Variants in RAB3C observed in about 807,000 individuals in gnomAD.
RAB3C encodes the protein ras-related protein Rab-3C.
RAB3C carries 17 observed loss-of-function variants against 26.4 expected under a neutral mutation model. The ratio of observed to expected loss-of-function variants is 0.64; its 90% confidence interval spans 0.44 to 0.97. The LOEUF (loss-of-function observed/expected upper bound fraction) is 0.97, where lower values mean the gene tolerates loss of function less well. RAB3C is among the 50% of genes least tolerant of loss of function. The probability of loss-of-function intolerance (pLI) is 0.00; values close to 1 mark genes in which losing one functional copy is unlikely to be tolerated. For missense variants in RAB3C, 242 were observed against 281.9 expected (o/e 0.86, Z 1.01); for synonymous variants, 91 against 95.9 (o/e 0.95, Z 0.30).
intron 3 of RAB3C, chr5:58,794,572 C>T (rs375821862): frequency 9.2e-5 from 14 of 151,964 alleles, no homozygotes; most frequent in African/African-American, 2.9e-4. Context: ...AAATGCCAGT[C>T]GGTGTGAATA....
In RAB3C at chr5:58,834,610, C is replaced by T. The variant is rs1743693678; in HGVS notation, c.496+9448C>T. Among the ~76,000 whole-genome samples, 4 of 152,316 alleles carry T rather than the reference C, an allele frequency of 2.6e-5. No homozygotes were observed. The South Asian group carries it at 8.3e-4, about 32-fold the overall frequency. On this transcript the variant is annotated intron_variant, in intron 4 of 4. Transcript: ENST00000282878. ...CCAACCTCTGGGTTCAGCAGGGAAT[C>T]CCAGTGATGCTACTAAAATGTTCTA...
chr5:58,642,406 C>A (rs777713092), intron 2 of RAB3C, among the ~76,000 whole-genome samples: 6 of 152,192 alleles, frequency 3.9e-5, no homozygotes, highest in Non-Finnish European at 8.8e-5. Flanking sequence ...ATAACTATTT[C>A]TGTCGACTAC....
At chr5:58,621,261 G>T (rs1746931984) in intron 2 of RAB3C, among the ~76,000 whole-genome samples, 2 of 152,122 alleles carry the variant, frequency 1.3e-5, no homozygotes, top group Admixed American at 1.3e-4. Flanking sequence ...ACCAAGACAG[G>T]TTTCAGACAT....
chr5:58,659,960 T>C lies in RAB3C; in HGVS notation c.252+42090T>C, dbSNP rs1214716652. Among the ~76,000 whole-genome samples, 4 of 152,100 alleles carry C rather than the reference T, an allele frequency of 2.6e-5. No homozygotes were observed. In the East Asian group the frequency reaches 7.7e-4, roughly 29 times the overall value. On this transcript the variant is annotated intron_variant, in intron 2 of 4. Coordinates refer to ENST00000282878, the MANE Select transcript of RAB3C (RefSeq NM_138453.4). ...ATGGGACTACAGGCACATGCCACCA[T>C]GCCTGGCTAATTTTTGTGTTTTTTG...
chr5:58,749,142 ATG>A (rs10544340), intron 3 of RAB3C, among the ~76,000 whole-genome samples: 27,391 of 152,224 alleles, frequency 0.18, 2,592 homozygotes, highest in East Asian at 0.3. Context: ...AATATATTTT[ATG>A]AGTAGAATTG....
intron 3 of RAB3C, among the ~76,000 whole-genome samples, chr5:58,733,626 G>A (rs1447794827): frequency 6.6e-6 from 1 of 152,136 alleles, no homozygotes; most frequent in Non-Finnish European, 1.5e-5. Flanking sequence ...TTTGATTTAA[G>A]AAATAAATTA....
chr5:58,696,888 A>AT (rs1748711887), intron 2 of RAB3C, among the ~76,000 whole-genome samples: 2 of 151,960 alleles, frequency 1.3e-5, no homozygotes, highest in South Asian at 2.1e-4. Flanking sequence ...GGATTCATTG[A>AT]TTTTTTGAAG....
At chr5:58,721,448 C>T (rs1457343823) in intron 2 of RAB3C, among the ~76,000 whole-genome samples, 1 of 151,662 alleles carries the variant, frequency 6.6e-6, no homozygotes, top group Non-Finnish European at 1.5e-5. Flanking sequence ...AACACAAAGC[C>T]AGGATTTTGA....
At chr5:58,810,364 GCT>G (rs143427018) in intron 3 of RAB3C, among the ~76,000 whole-genome samples, 6,290 of 103,400 alleles carry the variant, frequency 0.061, 384 homozygotes, top group African/African-American at 0.16. Context: ...TACTCTGTGT[GCT>G]CTCTCTCTCT....
intron 1 of RAB3C, among the ~76,000 whole-genome samples, chr5:58,616,539 A>G (rs1308045361): frequency 6.6e-6 from 1 of 152,220 alleles, no homozygotes. Flanking sequence ...ATGATCATCA[A>G]AAAAGATGAA....
chr5:58,682,751 A>G (rs1461050449), intron 2 of RAB3C, among the ~76,000 whole-genome samples: 8 of 152,098 alleles, frequency 5.3e-5, no homozygotes, highest in East Asian at 3.9e-4. Context: ...TGTATGGTAT[A>G]TAACTATTAT....
chr5:58,643,881 G>A (rs1482949174), intron 2 of RAB3C, among the ~76,000 whole-genome samples: 1 of 152,156 alleles, frequency 6.6e-6, no homozygotes, highest in Non-Finnish European at 1.5e-5. Flanking sequence ...GAGTGCAGGG[G>A]TGTGATCTCA....
intron 2 of RAB3C, among the ~76,000 whole-genome samples, chr5:58,659,397 A>G (rs112994502): frequency 1.5e-3 from 234 of 152,330 alleles, no homozygotes; most frequent in Middle Eastern, 6.8e-3. Context: ...AACTCTCAAC[A>G]GAGATTGGAT....
At chr5:58,656,952 C>G (rs1046961983) in intron 2 of RAB3C, among the ~76,000 whole-genome samples, 2 of 152,212 alleles carry the variant, frequency 1.3e-5, no homozygotes, top group Admixed American at 6.5e-5. Flanking sequence ...TATAGCAGCA[C>G]AGTTCACAAT....
intron 2 of RAB3C, among the ~76,000 whole-genome samples, chr5:58,684,002 A>G (rs1231050453): frequency 6.6e-6 from 1 of 152,214 alleles, no homozygotes; most frequent in Non-Finnish European, 1.5e-5. Flanking sequence ...ATCAATATGT[A>G]CAGGAAAAAT....
rs879294409 is a variant in RAB3C, at chr5:58,810,385, C to CTCTCTCTG, written c.372-14652_372-14651insCTCTCTGT. Among the ~76,000 whole-genome samples, 32 of 147,004 alleles carry CTCTCTCTG rather than the reference C, an allele frequency of 2.2e-4. No individual in the cohort carries two copies. The East Asian group carries it at 2.7e-3, about 12-fold the overall frequency. ...GTGTGCTCTCTCTCTCTCTCTCTCTCTGTGTGTGTGTGTGTGTGTGTGTGT... is the reference window on the plus strand; with the variant it reads ...GTGTGCTCTCTCTCTCTCTCTCTCTCTCTCTCTGTGTGTGTGTGTGTGTGTGTGTGTGT... On this transcript the variant is annotated intron_variant, in intron 3 of 4. Transcript: ENST00000282878.
intron 2 of RAB3C, among the ~76,000 whole-genome samples, chr5:58,632,697 G>T (rs1747210097): frequency 6.6e-6 from 1 of 152,208 alleles, no homozygotes; most frequent in Admixed American, 6.5e-5. Flanking sequence ...TGTGCCTGGA[G>T]AATAGCATCA....
chr5:58,639,149 G>A (rs536860445), intron 2 of RAB3C, among the ~76,000 whole-genome samples: 5 of 152,296 alleles, frequency 3.3e-5, no homozygotes, highest in Admixed American at 1.3e-4. Context: ...CTTTCTGTAT[G>A]CTTTTCAGAT....
intron 2 of RAB3C, among the ~76,000 whole-genome samples, chr5:58,675,807 AT>A (rs1474904055): frequency 1.3e-5 from 2 of 152,002 alleles, no homozygotes; most frequent in African/African-American, 4.8e-5. Flanking sequence ...GCTTGCTATG[AT>A]TCTTCCCCAG....
Sources: allele counts gnomAD v4.1 joint callset (sites outside exome capture counted in the v4.1 genomes callset), GRCh38; gene constraint gnomAD v4.1.1; transcripts MANE v1.5; gene names NCBI Gene and HGNC (gene_info 2026-07-23, HGNC 2026-07-21).